Variants in IPO8 observed in about 807,000 individuals in gnomAD.
IPO8 encodes importin 8.
IPO8 carries 65 observed loss-of-function variants against 141.2 expected under a neutral mutation model. That is an observed-to-expected ratio of 0.46 (90% confidence interval 0.38 to 0.57). IPO8 has a LOEUF of 0.57. IPO8 is among the 20% of genes least tolerant of loss of function. The pLI is 0.00. For missense variants in IPO8, 980 were observed against 1,246.8 expected (o/e 0.79, Z 3.22); for synonymous variants, 411 against 420.3 (o/e 0.98, Z 0.27).
At chr12:30,683,792 T>A (rs2053212453) in intron 3 of IPO8, among the ~76,000 whole-genome samples, 1 of 152,228 alleles carries the variant, frequency 6.6e-6, no homozygotes, top group Non-Finnish European at 1.5e-5. Flanking sequence ...GCATCTAATC[T>A]ATGACTGTAA....
intron 16 of IPO8, among the ~76,000 whole-genome samples, chr12:30,659,953 C>A (rs1427762617): frequency 6.6e-6 from 1 of 151,314 alleles, no homozygotes; most frequent in East Asian, 2.0e-4. Context: ...CCAGGCATGG[C>A]GGCTCATGCC....
chr12:30,688,341 G>A (rs1017529700), intron 2 of IPO8: 13 of 381,652 alleles, frequency 3.4e-5, no homozygotes, highest in Non-Finnish European at 5.6e-5. Context: ...CTCACAGTAA[G>A]GTAAGAAAGG....
chr12:30,666,988 T>A (rs1365622021), intron 10 of IPO8, among the ~76,000 whole-genome samples: 2 of 152,180 alleles, frequency 1.3e-5, no homozygotes, highest in Non-Finnish European at 2.9e-5. Context: ...CTTAATACCA[T>A]GAACATTTTC....
At chr12:30,638,063 A>G (rs144666784) in intron 21 of IPO8, among the ~76,000 whole-genome samples, 1 of 152,228 alleles carries the variant, frequency 6.6e-6, no homozygotes. Flanking sequence ...CATCCATGCA[A>G]CCCCTAAATA....
intron 22 of IPO8, among the ~76,000 whole-genome samples, chr12:30,634,946 A>G (rs2052481415): frequency 6.6e-6 from 1 of 152,198 alleles, no homozygotes; most frequent in African/African-American, 2.4e-5. Context: ...CAACGGATGA[A>G]TAAAGAAAAT....
rs919021606 is a variant in IPO8, at chr12:30,639,372, C to A, written c.2489+143G>T. 2.7e-5 allele frequency: 16 copies of A among 600,922 alleles called. No homozygotes were observed. The African/African-American group carries it at 3.0e-4, about 11-fold the overall frequency. 37.2% of individuals were successfully genotyped at this position (600,922 alleles called of 1,614,324 possible). A position where few individuals can be genotyped will look rare whatever the true frequency, so the allele number is the denominator to read the frequency against. On this transcript the variant is annotated intron_variant, in intron 21 of 24. Transcript: ENST00000256079. ...TACCCTGCTGAAATGCATTCTTAAT[C>A]CTCTAAAAATTAAATATTAACAATA... is the stretch of plus-strand genomic sequence containing the variant.
intron 5 of IPO8, 116 bp from the exon 6 acceptor site, chr12:30,676,703 AG>A: frequency 1.2e-6 from 1 of 822,382 alleles, no homozygotes; most frequent in Non-Finnish European, 2.0e-6. Context: ...GAATGAAAAT[AG>A]CAATCTTGTA....
At chr12:30,649,523 A>T (rs2052696294) in intron 19 of IPO8, among the ~76,000 whole-genome samples, 1 of 152,186 alleles carries the variant, frequency 6.6e-6, no homozygotes, top group African/African-American at 2.4e-5. Flanking sequence ...AAACTACAAA[A>T]TGAAATCAAA....
chr12:30,682,627 A>G (rs1021863785), intron 3 of IPO8, among the ~76,000 whole-genome samples: 2 of 152,148 alleles, frequency 1.3e-5, no homozygotes, highest in Non-Finnish European at 2.9e-5. Flanking sequence ...TCTTTTCTAT[A>G]AACTATCAAT....
In IPO8 at chr12:30,629,462, T is replaced by C. The variant is rs2052400983; in HGVS notation, c.*1398A>G. 1 of 152,086 alleles carries C rather than the reference T, an allele frequency of 6.6e-6. No individual in the cohort carries two copies. The highest frequency in any genetic ancestry group is 1.5e-5 in the Non-Finnish European group (1 of 68,014). 9.4% of individuals were successfully genotyped at this position (152,086 alleles called of 1,614,324 possible). ...TTAACCTAAAATTCTAAAGAGTTAATATGCATGAGGGATGGTAATATAGGA... is the reference window on the plus strand; with the variant it reads ...TTAACCTAAAATTCTAAAGAGTTAACATGCATGAGGGATGGTAATATAGGA... On this transcript the variant is annotated 3_prime_UTR_variant, in exon 25 of 25. Transcript: ENST00000256079.
intron 2 of IPO8, among the ~76,000 whole-genome samples, chr12:30,690,088 T>A (rs2053277250): frequency 6.6e-6 from 1 of 152,238 alleles, no homozygotes; most frequent in African/African-American, 2.4e-5. Context: ...TAGGAACATC[T>A]GTGCAACACA....
chr12:30,685,143 C>CTT (rs763211235), intron 2 of IPO8, among the ~76,000 whole-genome samples: 4 of 142,058 alleles, frequency 2.8e-5, no homozygotes, highest in Non-Finnish European at 3.1e-5. Flanking sequence ...CTTTTCTTTT[C>CTT]TTTTTTTTTT....
At chr12:30,671,395 C>T (rs988474463) in intron 8 of IPO8, among the ~76,000 whole-genome samples, 6 of 152,102 alleles carry the variant, frequency 3.9e-5, no homozygotes, top group Non-Finnish European at 5.9e-5. Flanking sequence ...TAACAGGAGC[C>T]GGGCACGGTG....
chr12:30,669,622 A>G (rs2053020179), intron 9 of IPO8, among the ~76,000 whole-genome samples: 1 of 151,300 alleles, frequency 6.6e-6, no homozygotes, highest in African/African-American at 2.4e-5. Flanking sequence ...GCGAGACCCC[A>G]TCTCCAAAAA....
intron 20 of IPO8, among the ~76,000 whole-genome samples, chr12:30,641,196 C>T (rs10771747): frequency 0.57 from 86,477 of 152,116 alleles, 25,687 homozygotes; most frequent in African/African-American, 0.74. Context: ...AGAATATCTC[C>T]ACATGCTACT....
chr12:30,673,989 C>G lies in IPO8; in HGVS notation c.909+1G>C. ...CTATTTTAAAAGCATAAGTTTATTA[C>G]CTGCTGAATGCCCACTGCATAGGTT... On this transcript the variant is annotated splice_donor_variant, in intron 8 of 24. Coordinates refer to ENST00000256079, the MANE Select transcript of IPO8 (RefSeq NM_006390.4). LOFTEE classifies it high-confidence loss of function. The G allele has an allele frequency of 1.3e-6, 2 of 1,551,958 alleles. No homozygotes were observed. The highest frequency in any genetic ancestry group is 1.8e-6 in the Non-Finnish European group (2 of 1,132,956).
At chr12:30,679,365 G>A (rs923060656) in intron 5 of IPO8, among the ~76,000 whole-genome samples, 9 of 152,132 alleles carry the variant, frequency 5.9e-5, no homozygotes, top group African/African-American at 2.2e-4. Context: ...TGTCGTCTTA[G>A]CAAACCAATT....
intron 19 of IPO8, among the ~76,000 whole-genome samples, 185 bp from the exon 20 acceptor site, chr12:30,649,417 T>C (rs759430216): frequency 6.6e-6 from 1 of 152,202 alleles, no homozygotes; most frequent in Non-Finnish European, 1.5e-5. Context: ...TCATTTCTTA[T>C]AAGGAGCAAT....
chr12:30,660,918 C>T (rs2052875862), intron 16 of IPO8, among the ~76,000 whole-genome samples: 1 of 75,790 alleles, frequency 1.3e-5, no homozygotes, highest in South Asian at 3.4e-4. Flanking sequence ...ATACTATATA[C>T]TTTATAATAT....
Sources: allele counts gnomAD v4.1 joint callset (sites outside exome capture counted in the v4.1 genomes callset), GRCh38; gene constraint gnomAD v4.1.1; transcripts MANE v1.5; gene names NCBI Gene and HGNC (gene_info 2026-07-23, HGNC 2026-07-21).